The following LRMDA variants were observed in gnomAD, a reference collection of about 807,000 sequenced individuals.
LRMDA encodes the protein leucine rich melanocyte differentiation associated, also known as leucine-rich melanocyte differentiation-associated protein.
A neutral mutation model predicts 29.8 loss-of-function variants in LRMDA; 18 were observed. That is an observed-to-expected ratio of 0.60 (90% CI 0.42 to 0.90). LRMDA has a LOEUF of 0.90. LRMDA is among the 40% of genes least tolerant of loss of function. The pLI is 0.00. For missense variants in LRMDA, 273 were observed against 273.9 expected (o/e 1.00, Z 0.02); for synonymous variants, 125 against 109.4 (o/e 1.14, Z -0.89).
chr10:76,189,577 G>A (rs1156475092), intron 5 of LRMDA, among the ~76,000 whole-genome samples: 2 of 152,194 alleles, frequency 1.3e-5, no homozygotes, highest in Admixed American at 6.5e-5. Flanking sequence ...AAGGAATGTA[G>A]CATGATCTAA....
At chr10:76,093,339 T>C (rs1849261595) in intron 5 of LRMDA, among the ~76,000 whole-genome samples, 1 of 149,476 alleles carries the variant, frequency 6.7e-6, no homozygotes, top group Admixed American at 6.7e-5. Flanking sequence ...TGGAGAGTTA[T>C]TATAGACAAA....
At chr10:75,616,540 T>C (rs1841104199) in intron 2 of LRMDA, among the ~76,000 whole-genome samples, 1 of 152,196 alleles carries the variant, frequency 6.6e-6, no homozygotes, top group African/African-American at 2.4e-5. Context: ...CCCCAGATAA[T>C]TGGAGTCTAT....
chr10:75,995,677 C>T (rs1847449800), intron 2 of LRMDA, among the ~76,000 whole-genome samples: 1 of 152,146 alleles, frequency 6.6e-6, no homozygotes, highest in Middle Eastern at 3.2e-3. Flanking sequence ...TTATTGAGAG[C>T]CATGCTATCT....
At chr10:75,587,790 G>A (rs148056326) in intron 2 of LRMDA, among the ~76,000 whole-genome samples, 168 of 152,308 alleles carry the variant, frequency 1.1e-3, no homozygotes, top group African/African-American at 3.9e-3. Flanking sequence ...CCTATGGATG[G>A]CCACCCTTCA....
rs537535393 is a variant in LRMDA, at chr10:75,883,803, G to A, written c.132-152205G>A. ...CAACTTCCAGAAGTAAGAGACAATA[G>A]ATGTGTGTCTTCTGCTTGCATGTAC... On this transcript the variant is annotated intron_variant, in intron 2 of 6. Coordinates refer to ENST00000611255, the MANE Select transcript of LRMDA (RefSeq NM_001305581.2). 2.6e-5 allele frequency among the ~76,000 whole-genome samples: 4 copies of A among 151,492 alleles called. No homozygotes were observed. In the South Asian group the frequency reaches 8.5e-4, roughly 32 times the overall value.
At chr10:75,769,811 C>T (rs1843215956) in intron 2 of LRMDA, among the ~76,000 whole-genome samples, 1 of 152,130 alleles carries the variant, frequency 6.6e-6, no homozygotes, top group South Asian at 2.1e-4. Context: ...GGTGAAACCC[C>T]ATCTCTACTA....
intron 2 of LRMDA, among the ~76,000 whole-genome samples, chr10:75,858,231 G>T (rs1283657916): frequency 6.6e-6 from 1 of 152,188 alleles, no homozygotes; most frequent in East Asian, 1.9e-4. Flanking sequence ...CTGTATCACC[G>T]CAGTAAGTGG....
At chr10:75,891,645 G>T (rs1042704292) in intron 2 of LRMDA, among the ~76,000 whole-genome samples, 5 of 152,164 alleles carry the variant, frequency 3.3e-5, no homozygotes, top group African/African-American at 1.2e-4. Context: ...GACATAATTT[G>T]ACTTGATTTT....
At chr10:76,523,239 C>T (rs1843139911) in intron 6 of LRMDA, among the ~76,000 whole-genome samples, 1 of 152,104 alleles carries the variant, frequency 6.6e-6, no homozygotes, top group Non-Finnish European at 1.5e-5. Context: ...CCAGCCCCGA[C>T]CTGAGCTCAC....
intron 2 of LRMDA, among the ~76,000 whole-genome samples, chr10:75,980,332 C>A (rs1847145040): frequency 6.6e-6 from 1 of 152,218 alleles, no homozygotes; most frequent in Admixed American, 6.5e-5. Flanking sequence ...CCTGCTCCCC[C>A]TTCTCCAGCA....
chr10:75,877,339 T>C (rs1477094984), intron 2 of LRMDA, among the ~76,000 whole-genome samples: 1 of 152,218 alleles, frequency 6.6e-6, no homozygotes, highest in Non-Finnish European at 1.5e-5. Context: ...CTTCCAGCAG[T>C]GATTTAAGCA....
At chr10:75,927,147 G>A (rs376061782) in intron 2 of LRMDA, among the ~76,000 whole-genome samples, 2 of 152,162 alleles carry the variant, frequency 1.3e-5, no homozygotes, top group Admixed American at 6.5e-5. Context: ...GGTCTCCAGC[G>A]ATAGGGAATT....
intron 2 of LRMDA, among the ~76,000 whole-genome samples, chr10:75,763,290 C>CAGAAAT (rs535996881): frequency 5.3e-4 from 81 of 151,858 alleles, no homozygotes; most frequent in African/African-American, 1.9e-3. Flanking sequence ...TCCTGATGGC[C>CAGAAAT]AGAAATATAA....
chr10:75,732,569 C>T (rs1842712576), intron 2 of LRMDA, among the ~76,000 whole-genome samples: 1 of 152,152 alleles, frequency 6.6e-6, no homozygotes, highest in African/African-American at 2.4e-5. Flanking sequence ...TGAGAGCCTC[C>T]CCTGGGTTCT....
At chr10:75,946,996 A>G (rs2132415480) in intron 2 of LRMDA, among the ~76,000 whole-genome samples, 2 of 152,324 alleles carry the variant, frequency 1.3e-5, no homozygotes, top group Non-Finnish European at 2.9e-5. Flanking sequence ...GGTTAGGGGC[A>G]GAGACACATC....
At chr10:75,568,210 G>A (rs540736766) in intron 2 of LRMDA, among the ~76,000 whole-genome samples, 2 of 152,276 alleles carry the variant, frequency 1.3e-5, no homozygotes, top group East Asian at 3.9e-4. Context: ...GAGGGGAATT[G>A]CTGTCTTATT....
In LRMDA at chr10:75,579,331, G is replaced by A. The variant is rs141986187; in HGVS notation, c.131+140837G>A. ...AAACTAAAGAATCTAGAAGAAATGG[G>A]TAAGTTCCTGGACACATACACCCTC... On this transcript the variant is annotated intron_variant, in intron 2 of 6. Coordinates refer to ENST00000611255, the MANE Select transcript of LRMDA (RefSeq NM_001305581.2). Among the ~76,000 whole-genome samples, 444 of 152,114 alleles carry A rather than the reference G, an allele frequency of 2.9e-3. 4 individuals are homozygous for A. Among genetic ancestry groups the A allele is most frequent in the African/African-American group, 0.01 (418 of 41,528 alleles).
chr10:76,394,077 C>T (rs565519948), intron 6 of LRMDA, among the ~76,000 whole-genome samples: 1 of 152,310 alleles, frequency 6.6e-6, no homozygotes, highest in East Asian at 1.9e-4. Flanking sequence ...ACCCTCTTCA[C>T]ACTTGCCATT....
chr10:76,302,446 G>A (rs769489329), intron 5 of LRMDA, among the ~76,000 whole-genome samples: 1 of 152,124 alleles, frequency 6.6e-6, no homozygotes, highest in Non-Finnish European at 1.5e-5. Context: ...GAACACTTTA[G>A]TTGTGAGACT....
Sources: gnomAD v4.1 joint callset for allele counts (sites outside exome capture counted in the v4.1 genomes callset) on GRCh38, gnomAD v4.1.1 for gene constraint, MANE v1.5 for transcripts, NCBI Gene and HGNC (gene_info 2026-07-23, HGNC 2026-07-21) for gene names.